ESR1: variants seen among roughly 807,000 people sequenced by gnomAD.
ESR1 encodes the protein estrogen receptor 1.
ESR1 carries 12 observed loss-of-function variants against 52.7 expected under a neutral mutation model. That is an observed-to-expected ratio of 0.23 (90% confidence interval 0.15 to 0.37). ESR1 has a LOEUF of 0.37. Among genes scored for constraint, ESR1 ranks in the 10% least tolerant of loss-of-function variants. The pLI, the probability that ESR1 is intolerant of heterozygous loss-of-function variation, is 1.00. For synonymous variants in ESR1, 305 were observed against 316.8 expected (o/e 0.96, Z 0.39); for missense variants, 584 against 779.7 (o/e 0.75, Z 2.99).
intron 4 of ESR1, among the ~76,000 whole-genome samples, chr6:151,956,863 A>AATATAT: frequency 1.9e-5 from 1 of 53,904 alleles, no homozygotes; most frequent in South Asian, 4.8e-4. Flanking sequence ...TATATATATA[A>AATATAT]ATATATATAT....
At chr6:151,787,037 G>C (rs530420887) in intron 2 of ESR1, among the ~76,000 whole-genome samples, 2 of 152,188 alleles carry the variant, frequency 1.3e-5, no homozygotes, top group African/African-American at 4.8e-5. Context: ...GTGAACTCCT[G>C]ACCTCAGTTG....
chr6:152,106,615 G>A (rs1267489739), downstream of ESR1, among the ~76,000 whole-genome samples: 2 of 152,060 alleles, frequency 1.3e-5, no homozygotes, highest in Non-Finnish European at 2.9e-5. Flanking sequence ...TTGAGACAGG[G>A]TGTTGCTCTC....
At chr6:152,077,928 T>C (rs2048875807) in intron 6 of ESR1, among the ~76,000 whole-genome samples, 1 of 152,178 alleles carries the variant, frequency 6.6e-6, no homozygotes, top group Non-Finnish European at 1.5e-5. Context: ...TGTGGACTTT[T>C]GGTTAATTCT....
At chr6:151,877,365 GA>G (rs1216130613) in intron 2 of ESR1, among the ~76,000 whole-genome samples, 1 of 152,164 alleles carries the variant, frequency 6.6e-6, no homozygotes, top group Non-Finnish European at 1.5e-5. Context: ...TGAAGACTTA[GA>G]AATAGTTGTT....
At chr6:152,110,006 C>T (rs2051113117) in intron 6 of ESR1, among the ~76,000 whole-genome samples, 1 of 152,182 alleles carries the variant, frequency 6.6e-6, no homozygotes, top group South Asian at 2.1e-4. Context: ...AAGCTACGTA[C>T]CAGTTTTACA....
intron 1 of ESR1, among the ~76,000 whole-genome samples, chr6:151,823,213 G>A (rs180858212): frequency 1.3e-5 from 2 of 152,140 alleles, no homozygotes; most frequent in East Asian, 3.9e-4. Flanking sequence ...TGCTTAATGG[G>A]CTTAATTTTT....
chr6:152,060,106 A>G (rs956628962), intron 5 of ESR1, among the ~76,000 whole-genome samples: 2 of 152,160 alleles, frequency 1.3e-5, no homozygotes, highest in African/African-American at 2.4e-5. Context: ...CGTGTGTAGT[A>G]TCTCATTTAA....
At chr6:151,754,619 C>T (rs1784143186) in intron 2 of ESR1, among the ~76,000 whole-genome samples, 1 of 152,158 alleles carries the variant, frequency 6.6e-6, no homozygotes, top group Non-Finnish European at 1.5e-5. Flanking sequence ...TCATTCCCTC[C>T]ATCTTGAGAC....
exon 7 of ESR1, chr6:152,125,428 C>A: frequency 6.8e-7 from 1 of 1,480,282 alleles, no homozygotes; most frequent in South Asian, 1.3e-5. Flanking sequence ...TGTTTTGAGG[C>A]AGTTACATGA....
At chr6:152,128,612 TAGTC>T (rs1042802551) in exon 7 of ESR1, 6 of 152,202 alleles carry the variant, frequency 3.9e-5, no homozygotes, top group Admixed American at 6.5e-5. Context: ...TTCAAACTAA[TAGTC>T]AGTTTCTTCC....
At chr6:151,844,057 AT>A (rs1784719336) in intron 2 of ESR1, among the ~76,000 whole-genome samples, 1 of 151,560 alleles carries the variant, frequency 6.6e-6, no homozygotes, top group African/African-American at 2.4e-5. Flanking sequence ...TTTTGTTGGT[AT>A]TTTTATACAA....
chr6:151,979,397 G>A (rs932803727), intron 4 of ESR1, among the ~76,000 whole-genome samples: 3 of 151,856 alleles, frequency 2.0e-5, no homozygotes, highest in African/African-American at 7.3e-5. Context: ...AGGAGAAAAT[G>A]GACATTAAAT....
intron 5 of ESR1, among the ~76,000 whole-genome samples, chr6:152,022,769 C>T (rs749208344): frequency 9.2e-5 from 14 of 151,812 alleles, no homozygotes; most frequent in African/African-American, 2.4e-4. Flanking sequence ...GTTGGGAGTT[C>T]GAGACCAACC....
chr6:151,772,554 T>C (rs1785607853), intron 2 of ESR1, among the ~76,000 whole-genome samples: 1 of 152,202 alleles, frequency 6.6e-6, no homozygotes, highest in African/African-American at 2.4e-5. Flanking sequence ...AGACATTGTC[T>C]ACTTTTCTGG....
chr6:151,719,790 T>C (rs1008305540), intron 2 of ESR1, among the ~76,000 whole-genome samples: 1 of 152,224 alleles, frequency 6.6e-6, no homozygotes, highest in Admixed American at 6.5e-5. Flanking sequence ...TTTCATTCAC[T>C]AGCAGAGAAA....
intron 2 of ESR1, among the ~76,000 whole-genome samples, chr6:151,785,629 G>T (rs1360914083): frequency 1.3e-5 from 2 of 152,132 alleles, no homozygotes; most frequent in African/African-American, 4.8e-5. Flanking sequence ...TAAAGTCTAG[G>T]TTTACTTGGA....
chr6:152,105,802 A>T (rs2152512381), downstream of ESR1, among the ~76,000 whole-genome samples: 1 of 78,478 alleles, frequency 1.3e-5, no homozygotes, highest in Admixed American at 2.0e-4. Context: ...TTTTTTTGAG[A>T]CGGAGTCTCG....
chr6:151,909,390 C>A (rs1011624131), intron 3 of ESR1, among the ~76,000 whole-genome samples: 4 of 152,156 alleles, frequency 2.6e-5, no homozygotes, highest in Admixed American at 6.5e-5. Context: ...TAGAGAGACT[C>A]TAGAGCACCT....
chr6:152,098,782 C>T lies in ESR1; in HGVS notation c.1604C>T (p.Pro535Leu), dbSNP rs1057519716. 6.2e-7 allele frequency: 1 copy of T among 1,614,118 alleles called. No homozygotes were observed. The highest frequency in any genetic ancestry group is 8.5e-7 in the Non-Finnish European group (1 of 1,180,012). The change falls in exon 8 of 8, where the codon CCC (proline) becomes CTC (leucine). Residue 535 changes from proline (P) to leucine (L), a missense_variant. Pro to Leu is a moderately conservative substitution (Grantham distance 98). This residue lies in a region of ESR1 where 141 missense variants were observed against 289.3 expected (regional missense o/e 0.49). Coordinates refer to ENST00000206249, the MANE Select transcript of ESR1 (RefSeq NM_000125.4). The surrounding 1 kb of genome is among the most constrained non-coding windows in gnomAD (Gnocchi z 5.1). ...LYSMKCKNVVPLYDLLLEMLD... is the reference protein window; with the variant it reads ...LYSMKCKNVVLLYDLLLEMLD... ...AGCATGAAGTGCAAGAACGTGGTGC[C>T]CCTCTATGACCTGCTGCTGGAGATG...
Sources: gnomAD v4.1 joint callset for allele counts (sites outside exome capture counted in the v4.1 genomes callset) on GRCh38, gnomAD v4.1.1 for gene constraint, gnomAD v4.1.1 regional missense constraint, Gnocchi (gnomAD v3.1) non-coding constraint, MANE v1.5 for transcripts, NCBI Gene and HGNC (gene_info 2026-07-23, HGNC 2026-07-21) for gene names.